Variants in CLASP1 observed in about 807,000 individuals in gnomAD.
CLASP1 encodes CLIP-associating protein 1.
In CLASP1, 38 loss-of-function variants were observed where a neutral mutation model predicts 192.3. The observed-to-expected ratio is 0.20, with a 90% CI of 0.15 to 0.26. The LOEUF (loss-of-function observed/expected upper bound fraction) is 0.26, where lower values mean the gene tolerates loss of function less well. Among genes scored for constraint, CLASP1 ranks in the 10% least tolerant of loss-of-function variants. CLASP1 has a pLI of 1.00. For missense variants in CLASP1, 1,433 were observed against 1,932.5 expected (o/e 0.74, Z 4.85); for synonymous variants, 691 against 712.8 (o/e 0.97, Z 0.49).
chr2:121,530,065 G>A (rs1173982171), intron 3 of CLASP1, among the ~76,000 whole-genome samples, 182 bp downstream of exon 3: 1 of 151,634 alleles, frequency 6.6e-6, no homozygotes, highest in Non-Finnish European at 1.5e-5. Context: ...GACCCAGGCT[G>A]CGAGTGCTTA....
chr2:121,388,261 A>G (rs1285676372), intron 30 of CLASP1, among the ~76,000 whole-genome samples: 1 of 152,250 alleles, frequency 6.6e-6, no homozygotes, highest in Admixed American at 6.5e-5. Context: ...TCCCACTTTA[A>G]TAATTCAGAA....
chr2:121,531,513 T>C (rs565469632), intron 2 of CLASP1, among the ~76,000 whole-genome samples: 1 of 148,070 alleles, frequency 6.8e-6, no homozygotes, highest in African/African-American at 2.5e-5. Context: ...GAGAATGGCG[T>C]GAATCCGGGG....
intron 19 of CLASP1, among the ~76,000 whole-genome samples, chr2:121,431,544 G>T (rs1458881681): frequency 6.6e-6 from 1 of 151,938 alleles, no homozygotes; most frequent in Non-Finnish European, 1.5e-5. Flanking sequence ...AATCACAAAG[G>T]CAAAGTGAAC....
At chr2:121,615,893 C>T (rs1266276913) in intron 1 of CLASP1, among the ~76,000 whole-genome samples, 1 of 152,158 alleles carries the variant, frequency 6.6e-6, no homozygotes, top group Non-Finnish European at 1.5e-5. Context: ...TAATTCAAAA[C>T]CAGATCTGCC....
intron 24 of CLASP1, chr2:121,409,196 C>G (rs1486654411): frequency 1.6e-6 from 1 of 639,740 alleles, no homozygotes; most frequent in East Asian, 3.0e-5. Flanking sequence ...TCATATCAAG[C>G]TAATAATAAT....
At chr2:121,537,969 A>G (rs895002665) in intron 2 of CLASP1, among the ~76,000 whole-genome samples, 3 of 152,226 alleles carry the variant, frequency 2.0e-5, no homozygotes, top group African/African-American at 4.8e-5. Flanking sequence ...CATAAAGGAT[A>G]TATTTTTTTC....
intron 34 of CLASP1, among the ~76,000 whole-genome samples, chr2:121,371,557 T>G (rs574302289): frequency 1.3e-5 from 2 of 152,208 alleles, no homozygotes; most frequent in African/African-American, 4.8e-5. Context: ...CCCTCACGCA[T>G]CCATCTTTTC....
chr2:121,638,948 C>T (rs1277085929), intron 1 of CLASP1, among the ~76,000 whole-genome samples: 3 of 152,136 alleles, frequency 2.0e-5, no homozygotes, highest in Non-Finnish European at 4.4e-5. Flanking sequence ...GGATTACAGG[C>T]ATGAGCCACT....
intron 19 of CLASP1, among the ~76,000 whole-genome samples, chr2:121,441,129 T>C (rs1051634786): frequency 2.6e-5 from 4 of 152,224 alleles, no homozygotes; most frequent in African/African-American, 9.6e-5. Flanking sequence ...TTTTCCTATC[T>C]TCTTGTTAGG....
chr2:121,578,619 T>C (rs1291087878), intron 2 of CLASP1, among the ~76,000 whole-genome samples: 1 of 151,612 alleles, frequency 6.6e-6, no homozygotes, highest in Non-Finnish European at 1.5e-5. Flanking sequence ...TCCCAGCTAC[T>C]TGGGAGGCTG....
At chr2:121,531,044 A>T (rs746888022) in intron 2 of CLASP1, 54 of 698,506 alleles carry the variant, frequency 7.7e-5, no homozygotes, top group Non-Finnish European at 1.2e-4. Flanking sequence ...CAGTTCAAAC[A>T]GCAGTAATTC....
At chr2:121,470,144 A>G in intron 8 of CLASP1, 184 bp from the exon 9 acceptor site, 4 of 663,764 alleles carry the variant, frequency 6.0e-6, no homozygotes, top group South Asian at 3.1e-5. Flanking sequence ...ATGAAGCTAC[A>G]AAGATCATAC....
At chr2:121,380,147 C>T (rs1442011393) in intron 33 of CLASP1, among the ~76,000 whole-genome samples, 1 of 152,204 alleles carries the variant, frequency 6.6e-6, no homozygotes, top group East Asian at 1.9e-4. Context: ...TTTTCCAAAT[C>T]AGTATCTGTT....
chr2:121,483,419 TGAGA>T (rs907578816), intron 8 of CLASP1, among the ~76,000 whole-genome samples: 1 of 151,580 alleles, frequency 6.6e-6, no homozygotes, highest in Non-Finnish European at 1.5e-5. Context: ...AGCAAATATC[TGAGA>T]GAGAGAGAGA....
chr2:121,631,995 C>T (rs762075180), intron 1 of CLASP1, among the ~76,000 whole-genome samples: 3 of 151,744 alleles, frequency 2.0e-5, no homozygotes, highest in Non-Finnish European at 4.4e-5. Context: ...TGTAGTGAGC[C>T]GAGATCACGC....
rs112490287 is a variant in CLASP1, at chr2:121,469,203, G to C, written c.865+605C>G. The stretch of plus-strand genomic sequence containing the variant: ...AATACAGGCCTTCCACTCCCACAGA[G>C]CTACCTCCCGCTGGCCCAGCTCTAC... On this transcript the variant is annotated intron_variant, in intron 9 of 39. Transcript: ENST00000263710. Among the ~76,000 whole-genome samples the C allele has an allele frequency of 2.6e-5, 4 of 152,032 alleles. No individual in the cohort carries two copies. The East Asian group carries it at 5.8e-4, about 22-fold the overall frequency.
At chr2:121,614,109 T>C (rs1373109272) in intron 1 of CLASP1, among the ~76,000 whole-genome samples, 1 of 152,272 alleles carries the variant, frequency 6.6e-6, no homozygotes, top group African/African-American at 2.4e-5. Context: ...AGGGGGAGGC[T>C]ACCAGGACTC....
chr2:121,430,146 C>A, exon 20 of CLASP1: 1 of 1,574,360 alleles, frequency 6.4e-7, no homozygotes, highest in Non-Finnish European at 8.6e-7. Context: ...TGGTGGCACT[C>A]CCAGAGCTTT....
At chr2:121,421,863 C>T (rs542826535) in intron 22 of CLASP1, among the ~76,000 whole-genome samples, 2 of 152,112 alleles carry the variant, frequency 1.3e-5, no homozygotes, top group South Asian at 2.1e-4. Context: ...ATATAAATGA[C>T]TTTTTATAAA....
Sources: allele counts gnomAD v4.1 joint callset (sites outside exome capture counted in the v4.1 genomes callset), GRCh38; gene constraint gnomAD v4.1.1; transcripts MANE v1.5; gene names NCBI Gene and HGNC (gene_info 2026-07-23, HGNC 2026-07-21).